Variants in PCDH11Y observed in about 807,000 individuals in gnomAD.
PCDH11Y encodes the protein protocadherin 11 Y-linked.
For missense variants in PCDH11Y, 12 were observed against 224.8 expected (o/e 0.05, Z 6.05); for synonymous variants, 9 against 83.6 (o/e 0.11, Z 4.87).
At chrY:5,696,012 T>C in intron 4 of PCDH11Y, among the ~76,000 whole-genome samples, 11 of 33,382 alleles carry the variant, frequency 3.3e-4, no homozygotes, top group African/African-American at 1.0e-3. Context: ...AGGCTTATTA[T>C]CTTTCTTTTC....
intron 3 of PCDH11Y, among the ~76,000 whole-genome samples, chrY:5,562,499 C>T: frequency 1.2e-4 from 4 of 33,244 alleles, no homozygotes; most frequent in Admixed American, 5.4e-4. Context: ...CGGTGGCTCA[C>T]GCCTGTAATC....
intron 4 of PCDH11Y, among the ~76,000 whole-genome samples, chrY:5,709,077 C>CTT (rs1183837736): frequency 7.3e-5 from 2 of 27,327 alleles, no homozygotes; most frequent in Admixed American, 6.9e-4. Flanking sequence ...ATATATTTTT[C>CTT]TTTTTTTTTT....
chrY:5,675,065 T>C (rs2053552575), intron 4 of PCDH11Y, among the ~76,000 whole-genome samples: 2 of 33,836 alleles, frequency 5.9e-5, no homozygotes, highest in Admixed American at 5.4e-4. Flanking sequence ...TATGAAGAAA[T>C]ACCCAAAACT....
intron 2 of PCDH11Y, among the ~76,000 whole-genome samples, chrY:5,467,494 A>T (rs2053309526): frequency 3.1e-5 from 1 of 32,051 alleles, no homozygotes; most frequent in Admixed American, 2.9e-4. Context: ...TACTCCTGAG[A>T]GTTGTTACTT....
chrY:5,473,727 TAC>T (rs2053316178), intron 2 of PCDH11Y, among the ~76,000 whole-genome samples: 1 of 30,960 alleles, frequency 3.2e-5, no homozygotes, highest in Non-Finnish European at 7.9e-5. Flanking sequence ...GAGAAATCGC[TAC>T]ACTGTTTTCT....
chrY:5,704,251 A>G (rs2053580748), intron 4 of PCDH11Y, among the ~76,000 whole-genome samples: 1 of 31,455 alleles, frequency 3.2e-5, no homozygotes, highest in African/African-American at 1.3e-4. Context: ...CATCAAGAGG[A>G]TGGATTAGCG....
intron 2 of PCDH11Y, among the ~76,000 whole-genome samples, chrY:5,330,067 C>T (rs2053128537): frequency 6.2e-5 from 2 of 32,481 alleles, no homozygotes; most frequent in Non-Finnish European, 1.5e-4. Flanking sequence ...GGGCTGAGTC[C>T]GAAAAGAGAG....
At chrY:5,420,949 T>C in intron 2 of PCDH11Y, among the ~76,000 whole-genome samples, 2 of 28,949 alleles carry the variant, frequency 6.9e-5, no homozygotes, top group Non-Finnish European at 1.6e-4. Context: ...GGTTCACACC[T>C]GTAATCCCAG....
chrY:5,043,428 T>C, intron 3 of PCDH11Y, among the ~76,000 whole-genome samples: 1 of 33,584 alleles, frequency 3.0e-5, no homozygotes, highest in Non-Finnish European at 7.4e-5. Flanking sequence ...GATTTGCGTA[T>C]ATTGAACCAG....
At chrY:5,686,033 C>A in intron 4 of PCDH11Y, among the ~76,000 whole-genome samples, 3 of 33,361 alleles carry the variant, frequency 9.0e-5, no homozygotes, top group Admixed American at 8.1e-4. Context: ...CTCAAAATGT[C>A]ATGTATTTTG....
intron 2 of PCDH11Y, among the ~76,000 whole-genome samples, chrY:5,485,393 CA>C (rs2053330758): frequency 3.0e-5 from 1 of 33,313 alleles, no homozygotes; most frequent in Non-Finnish European, 7.4e-5. Context: ...AGACAGTGTT[CA>C]AACAAGTGAA....
intron 2 of PCDH11Y, among the ~76,000 whole-genome samples, chrY:5,289,775 T>C: frequency 3.0e-5 from 1 of 33,511 alleles, no homozygotes; most frequent in Admixed American, 2.7e-4. Flanking sequence ...ATGATCTCAT[T>C]CTTTTTTTAT....
chrY:5,043,363 G>A, intron 3 of PCDH11Y, among the ~76,000 whole-genome samples: 1 of 33,273 alleles, frequency 3.0e-5, no homozygotes. Flanking sequence ...CATCTATTGA[G>A]ATAATCATGT....
intron 4 of PCDH11Y, among the ~76,000 whole-genome samples, chrY:5,646,307 A>G (rs2124705635): frequency 6.1e-5 from 2 of 32,839 alleles, no homozygotes; most frequent in Non-Finnish European, 7.5e-5. Flanking sequence ...TGAACTCAGG[A>G]AGGTAGAAAG....
intron 2 of PCDH11Y, among the ~76,000 whole-genome samples, chrY:5,350,472 G>A (rs2053156930): frequency 6.3e-5 from 2 of 31,612 alleles, no homozygotes; most frequent in Non-Finnish European, 1.5e-4. Flanking sequence ...TTGGGAGGCC[G>A]AGGCAGGTGG....
chrY:5,561,888 C>T (rs2053429122), intron 3 of PCDH11Y, among the ~76,000 whole-genome samples: 1 of 31,755 alleles, frequency 3.1e-5, no homozygotes, highest in Admixed American at 2.9e-4. Flanking sequence ...ACTTAATTAG[C>T]TTAACTCTTT....
At chrY:5,519,133 G>A in intron 3 of PCDH11Y, among the ~76,000 whole-genome samples, 1 of 32,740 alleles carries the variant, frequency 3.1e-5, no homozygotes, top group Non-Finnish European at 7.5e-5. Context: ...GTTCACGCCT[G>A]TAATCCCAGC....
intron 3 of PCDH11Y, among the ~76,000 whole-genome samples, chrY:5,528,059 C>G: frequency 3.1e-5 from 1 of 32,123 alleles, no homozygotes; most frequent in Non-Finnish European, 7.7e-5. Flanking sequence ...ATCCATTGGC[C>G]TATGAATTGA....
At chrY:5,527,245 A>G in intron 3 of PCDH11Y, among the ~76,000 whole-genome samples, 7 of 33,164 alleles carry the variant, frequency 2.1e-4, no homozygotes, top group Non-Finnish European at 3.0e-4. Flanking sequence ...CTTGGTTAAA[A>G]CTAGCAGTGC....
Sources: allele counts gnomAD v4.1 joint callset (sites outside exome capture counted in the v4.1 genomes callset), GRCh38; gene constraint gnomAD v4.1.1; transcripts MANE v1.5; gene names NCBI Gene and HGNC (gene_info 2026-07-23, HGNC 2026-07-21).